Variants in SLC6A17 observed in about 807,000 individuals in gnomAD.
The protein encoded by SLC6A17 is sodium-dependent neutral amino acid transporter SLC6A17.
A neutral mutation model predicts 64.5 loss-of-function variants in SLC6A17; 21 were observed. The observed-to-expected ratio is 0.33, with a 90% confidence interval of 0.23 to 0.47. The LOEUF (loss-of-function observed/expected upper bound fraction) is 0.47, where lower values mean the gene tolerates loss of function less well. Ranked by LOEUF, SLC6A17 falls within the 20% of genes least tolerant of loss-of-function variation. The pLI is 1.00. For synonymous variants in SLC6A17, 372 were observed against 399.5 expected (o/e 0.93, Z 0.82); for missense variants, 682 against 963.2 (o/e 0.71, Z 3.86).
At chr1:110,170,594 C>G (rs1656194263) in intron 2 of SLC6A17, among the ~76,000 whole-genome samples, 1 of 152,262 alleles carries the variant, frequency 6.6e-6, no homozygotes, top group Non-Finnish European at 1.5e-5. Flanking sequence ...GAGTTAAAGA[C>G]AGACCCAGGG....
At position 110,198,352 on chromosome 1, in the gene SLC6A17, G is replaced by A. The variant is rs369787447; in HGVS notation, c.2092G>A (p.Gly698Ser). 11 of 1,614,018 alleles carry A rather than the reference G, an allele frequency of 6.8e-6. No homozygotes were observed. Among genetic ancestry groups the A allele is most frequent in the Non-Finnish European group, 9.3e-6 (11 of 1,180,022 alleles). The change falls in exon 12 of 12, where the codon GGC becomes AGC. Residue 698 changes from glycine to serine, a missense_variant. Gly to Ser is a moderately conservative substitution (Grantham distance 56, BLOSUM62 0). Around this residue, in one of 3 missense-constraint regions of SLC6A17, gnomAD observed 264 missense variants for 339.5 expected, o/e 0.78. Transcript: ENST00000331565. ...MPTHRSYLGP[G>S]STSPLETSGN... ...CACTCACCGTTCCTATCTGGGGCCC[G>A]GCAGCACATCACCCCTGGAGACCAG...
chr1:110,164,058 G>A (rs1052231558), intron 1 of SLC6A17, among the ~76,000 whole-genome samples: 3 of 152,114 alleles, frequency 2.0e-5, no homozygotes, highest in South Asian at 2.1e-4. Context: ...TTTAGTATCC[G>A]GCCCTTCCAC....
In SLC6A17 at chr1:110,167,232, C is replaced by A; in HGVS notation, c.286+17C>A. 1 of 1,600,692 alleles carries A rather than the reference C, an allele frequency of 6.2e-7. No individual in the cohort carries two copies. The highest frequency in any genetic ancestry group is 8.5e-7 in the Non-Finnish European group (1 of 1,171,232). On this transcript the variant is annotated intron_variant, in intron 2 of 11. Coordinates refer to ENST00000331565, the MANE Select transcript of SLC6A17 (RefSeq NM_001010898.4). ...ATGGAGGAGGTAAGAGACAGCTCTG[C>A]CTGCATCAGGGGTCCCCTGCAAATA... is the stretch of plus-strand genomic sequence containing the variant.
intron 6 of SLC6A17, among the ~76,000 whole-genome samples, chr1:110,187,243 A>C (rs1410337131): frequency 6.6e-6 from 1 of 152,212 alleles, no homozygotes; most frequent in Admixed American, 6.5e-5. Flanking sequence ...ACAATTCGCG[A>C]ATCGGGCAGC....
rs553719624 is a variant in SLC6A17, at chr1:110,199,617, C to T, written c.*1173C>T. 9.9e-5 allele frequency: 23 copies of T among 232,660 alleles called. No homozygotes were observed. In the East Asian group the frequency reaches 1.4e-3, roughly 14 times the overall value. The allele number at this position is 232,660 out of a possible 1,614,324, so 14.4% of individuals were successfully genotyped here. A position where few individuals can be genotyped will look rare whatever the true frequency, so the allele number is the denominator to read the frequency against. On this transcript the variant is annotated 3_prime_UTR_variant, in exon 12 of 12. Coordinates refer to ENST00000331565, the MANE Select transcript of SLC6A17 (RefSeq NM_001010898.4). Reference sequence around the variant, plus strand: ...AGACACCTTGGAAACCTTTCCCAAGCCTTCCTGGCCCACAGTGGCCAGTGC... The same window carrying T: ...AGACACCTTGGAAACCTTTCCCAAGTCTTCCTGGCCCACAGTGGCCAGTGC...
At chr1:110,184,522 A>G (rs1656627135) in intron 6 of SLC6A17, among the ~76,000 whole-genome samples, 1 of 152,200 alleles carries the variant, frequency 6.6e-6, no homozygotes. Context: ...CGGTACTCTC[A>G]TTATCACCAC....
At chr1:110,191,338 A>G (rs1488347702) in intron 6 of SLC6A17, among the ~76,000 whole-genome samples, 1 of 152,220 alleles carries the variant, frequency 6.6e-6, no homozygotes, top group Admixed American at 6.5e-5. Flanking sequence ...ATGCCATCCC[A>G]ATGCTGTTGC....
In SLC6A17 at chr1:110,195,721, T is replaced by C. The variant is rs750987598; in HGVS notation, c.1628T>C (p.Val543Ala). The C allele has an allele frequency of 3.7e-6, 6 of 1,614,054 alleles. No homozygotes were observed. The African/African-American group carries it at 8.0e-5, about 22-fold the overall frequency. The stretch of plus-strand genomic sequence containing the variant: ...ATCGTCATCCTTGAGAACATCGCTG[T>C]GGCCTGGATTTATGGAACCAAGAAG... ...TLIVILENIA[V>A]AWIYGTKKFM... is the part of the protein sequence containing the mutation. Residue 543 changes from valine to alanine, a missense_variant, in exon 10 of 12, where the codon GTG becomes GCG. By Grantham distance (64) the Val-to-Ala change is moderately conservative (BLOSUM62 0). This residue lies in a region of SLC6A17 where 264 missense variants were observed against 339.5 expected (regional missense o/e 0.78). Coordinates refer to ENST00000331565, the MANE Select transcript of SLC6A17 (RefSeq NM_001010898.4).
chr1:110,198,795 G>C lies in SLC6A17; in HGVS notation c.*351G>C. ...GAGTCACTCACCTCCCTCTCTCCCT[G>C]TAACTTGCCACCTGCAGTTCTTAGG... is the stretch of plus-strand genomic sequence containing the variant. On this transcript the variant is annotated 3_prime_UTR_variant, in exon 12 of 12. Coordinates refer to ENST00000331565, the MANE Select transcript of SLC6A17 (RefSeq NM_001010898.4). 1 of 223,140 alleles carries C rather than the reference G, an allele frequency of 4.5e-6. No homozygotes were observed. The highest frequency in any genetic ancestry group is 8.8e-6 in the Non-Finnish European group (1 of 113,150). 13.8% of individuals were successfully genotyped at this position (223,140 alleles called of 1,614,324 possible).
intron 3 of SLC6A17, 84 bp from the exon 4 acceptor site, chr1:110,173,889 C>T (rs12747833): frequency 0.42 from 652,765 of 1,540,724 alleles, 145,248 homozygotes; most frequent in Non-Finnish European, 0.46. Context: ...ATGGCGCTGC[C>T]GACGTGCTGG....
At chr1:110,173,913 C>CAG in intron 3 of SLC6A17, 60 bp from the exon 4 acceptor site, 3 of 1,584,874 alleles carry the variant, frequency 1.9e-6, no homozygotes, top group Admixed American at 1.8e-5. Flanking sequence ...TCGGGTGGAG[C>CAG]GTGGGGGCAG....
chr1:110,192,440 C>T lies in SLC6A17; in HGVS notation c.1107-66C>T, dbSNP rs1656852311. ...TTCCCACCTGGGTGCCTGGGAAGAG[C>T]CTCCAGGATCTCACCCATTGCCCAC... On this transcript the variant is annotated intron_variant, in intron 7 of 11. Transcript: ENST00000331565. This position sits in a 1 kb window ranked among gnomAD's most constrained non-coding sequence, Gnocchi z 4.3. The T allele has an allele frequency of 3.3e-6, 5 of 1,537,226 alleles. No individual in the cohort carries two copies. The highest frequency in any genetic ancestry group is 8.8e-7 in the Non-Finnish European group (1 of 1,136,658).
At chr1:110,155,804 CT>C (rs1237782339) in intron 1 of SLC6A17, among the ~76,000 whole-genome samples, 2 of 152,238 alleles carry the variant, frequency 1.3e-5, no homozygotes, top group African/African-American at 4.8e-5. Flanking sequence ...GTGGAATTCA[CT>C]GGTCCACACC....
intron 6 of SLC6A17, among the ~76,000 whole-genome samples, chr1:110,179,965 G>C (rs914410307): frequency 6.6e-6 from 1 of 152,170 alleles, no homozygotes; most frequent in Non-Finnish European, 1.5e-5. Flanking sequence ...TCAAATCCAG[G>C]AGCCAGGCAC....
Position 110,197,676 on chromosome 1 carries a change from C to T in SLC6A17, c.1815+77C>T, listed in dbSNP as rs112077597. On this transcript the variant is annotated intron_variant, in intron 11 of 11. Coordinates refer to ENST00000331565, the MANE Select transcript of SLC6A17 (RefSeq NM_001010898.4). The stretch of plus-strand genomic sequence containing the variant: ...GAATGCAACCACTGATAGGGATACA[C>T]CTTTCTAGGGCAGCTGCTATGTGCC... The T allele has an allele frequency of 2.5e-3, 3,584 of 1,451,132 alleles. 69 individuals carry two copies. In the African/African-American group the frequency reaches 0.046, roughly 19 times the overall value. The allele number at this position is 1,451,132 out of a possible 1,614,324, so 89.9% of individuals were successfully genotyped here.
rs766891808 is a variant in SLC6A17, at chr1:110,174,073, C to T, written c.545C>T (p.Pro182Leu). 3.1e-6 allele frequency: 5 copies of T among 1,614,124 alleles called. No homozygotes were observed. The Admixed American group carries it at 8.3e-5, about 27-fold the overall frequency. Residue 182 changes from proline (P) to leucine (L), a missense_variant, in exon 4 of 12, where the codon CCT (proline) becomes CTT (leucine). Transcript: ENST00000331565. ...FQYPLPWSEC[P>L]VVRNGSVAVV... ...TACCCGCTGCCCTGGAGTGAATGTCCTGTCGTCAGGAATGGGAGCGTGGCA... is the reference window on the plus strand; with the variant it reads ...TACCCGCTGCCCTGGAGTGAATGTCTTGTCGTCAGGAATGGGAGCGTGGCA...
intron 6 of SLC6A17, among the ~76,000 whole-genome samples, chr1:110,180,984 A>G (rs1337255535): frequency 2.0e-5 from 3 of 152,100 alleles, no homozygotes; most frequent in Non-Finnish European, 4.4e-5. Context: ...TTTGCAGTCC[A>G]TGTCTTCAAG....
chr1:110,167,122 A>T lies in SLC6A17; in HGVS notation c.193A>T (p.Ser65Cys). The stretch of plus-strand genomic sequence containing the variant: ...TGCAGAGGACCGGCCGGCCTGGAAC[A>T]GTAAGCTGCAGTACATCCTGGCCCA... ...LDAEDRPAWN[S>C]KLQYILAQIG... Residue 65 changes from serine to cysteine, a missense_variant, in exon 2 of 12, where the codon AGT (serine) becomes TGT (cysteine). Coordinates refer to ENST00000331565, the MANE Select transcript of SLC6A17 (RefSeq NM_001010898.4). 2 of 1,613,452 alleles carry T rather than the reference A, an allele frequency of 1.2e-6. No homozygotes were observed. The highest frequency in any genetic ancestry group is 1.7e-6 in the Non-Finnish European group (2 of 1,179,866).
rs1347278034 is a variant in SLC6A17, at chr1:110,197,555, C to T, written c.1771C>T (p.Leu591=). The change falls in exon 11 of 12, where the codon CTG becomes TTG. Residue 591 remains leucine, a synonymous_variant. Transcript: ENST00000331565. ...GCTCACCACAGCCAGCATCATCCAG[C>T]TGGGGGTCACGCCCCCGGGCTACAG... is the stretch of plus-strand genomic sequence containing the variant. ...AVLTTASIIQ[L]GVTPPGYSAW... 1 of 1,612,234 alleles carries T rather than the reference C, an allele frequency of 6.2e-7. No homozygotes were observed. Among genetic ancestry groups the T allele is most frequent in the African/African-American group, 1.3e-5 (1 of 74,876 alleles).
Sources: gnomAD v4.1 joint callset for allele counts (sites outside exome capture counted in the v4.1 genomes callset) on GRCh38, gnomAD v4.1.1 for gene constraint, gnomAD v4.1.1 regional missense constraint, Gnocchi (gnomAD v3.1) non-coding constraint, MANE v1.5 for transcripts, NCBI Gene and HGNC (gene_info 2026-07-23, HGNC 2026-07-21) for gene names.